Variants in LINGO2 observed in about 807,000 individuals in gnomAD.
The protein encoded by LINGO2 is leucine-rich repeat and immunoglobulin-like domain-containing nogo receptor-interacting protein 2.
A neutral mutation model predicts 30.6 loss-of-function variants in LINGO2; 14 were observed. The observed-to-expected ratio is 0.46, with a 90% CI of 0.30 to 0.72. LINGO2 has a LOEUF of 0.72. LINGO2 is among the 30% of genes least tolerant of loss of function. The pLI, the probability that LINGO2 is intolerant of heterozygous loss-of-function variation, is 0.07. For synonymous variants in LINGO2, 317 were observed against 288.5 expected (o/e 1.10, Z -1.00); for missense variants, 729 against 751.7 (o/e 0.97, Z 0.35).
the LINGO2 span, among the ~76,000 whole-genome samples, chr9:29,041,734 C>G: frequency 2.0e-5 from 3 of 151,860 alleles, no homozygotes; most frequent in African/African-American, 7.2e-5. Context: ...TCTTCATAAT[C>G]CAGGGATAAA....
intron 4 of LINGO2, chr9:28,012,492 C>A (rs956022722): frequency 2.6e-5 from 4 of 151,960 alleles, no homozygotes; most frequent in African/African-American, 9.7e-5. Flanking sequence ...ACTGTCTCTG[C>A]TGCCAAGGTC....
chr9:28,829,543 C>T, the LINGO2 span, among the ~76,000 whole-genome samples: 1 of 152,202 alleles, frequency 6.6e-6, no homozygotes, highest in African/African-American at 2.4e-5. Flanking sequence ...CCTGCCAGTG[C>T]ACAGTGTTTG....
intron 4 of LINGO2, among the ~76,000 whole-genome samples, chr9:28,098,478 C>T (rs1388446332): frequency 3.3e-5 from 5 of 152,164 alleles, no homozygotes; most frequent in Admixed American, 3.3e-4. Context: ...ATTTGGCTTG[C>T]TGTCTGCTTA....
the LINGO2 span, among the ~76,000 whole-genome samples, chr9:28,706,464 A>G: frequency 1.3e-5 from 2 of 152,174 alleles, no homozygotes; most frequent in Non-Finnish European, 2.9e-5. Flanking sequence ...TTAGTCTATT[A>G]AAGATTAGTT....
At chr9:28,984,638 C>T in the LINGO2 span, among the ~76,000 whole-genome samples, 1 of 151,862 alleles carries the variant, frequency 6.6e-6, no homozygotes, top group African/African-American at 2.4e-5. Context: ...TAGAAAAGAT[C>T]ACCTAAAATT....
At chr9:28,367,684 C>T (rs937874808) in intron 3 of LINGO2, among the ~76,000 whole-genome samples, 1 of 151,814 alleles carries the variant, frequency 6.6e-6, no homozygotes, top group Non-Finnish European at 1.5e-5. Context: ...CTGTAGTGTA[C>T]TCTTCTGTCT....
chr9:28,108,481 A>G (rs1281690834), intron 4 of LINGO2, among the ~76,000 whole-genome samples: 1 of 152,100 alleles, frequency 6.6e-6, no homozygotes, highest in Admixed American at 6.6e-5. Flanking sequence ...TACTCACTCC[A>G]TGGCACCTTC....
At chr9:28,305,537 A>AT (rs1824313109) in intron 3 of LINGO2, among the ~76,000 whole-genome samples, 1 of 152,086 alleles carries the variant, frequency 6.6e-6, no homozygotes, top group South Asian at 2.1e-4. Flanking sequence ...GAAAAATTAC[A>AT]TACAAAAACC....
chr9:28,472,320 GT>G (rs199544882), intron 2 of LINGO2, among the ~76,000 whole-genome samples: 23,292 of 145,570 alleles, frequency 0.16, 1,978 homozygotes, highest in East Asian at 0.37. Flanking sequence ...TTGACTTCAA[GT>G]TTTTTTTTTT....
chr9:28,598,129 G>A (rs7861179), intron 1 of LINGO2, among the ~76,000 whole-genome samples: 7,990 of 152,098 alleles, frequency 0.053, 712 homozygotes, highest in African/African-American at 0.18. Context: ...AGACAGCTAT[G>A]ATAACTAATA....
the LINGO2 span, among the ~76,000 whole-genome samples, chr9:29,125,298 T>C: frequency 1.3e-5 from 2 of 152,066 alleles, no homozygotes; most frequent in Middle Eastern, 3.4e-3. Context: ...TTAGGACAAA[T>C]ACCTAATGCA....
intron 2 of LINGO2, among the ~76,000 whole-genome samples, chr9:28,376,388 G>A (rs1057464321): frequency 1.3e-5 from 2 of 152,120 alleles, no homozygotes; most frequent in Non-Finnish European, 2.9e-5. Flanking sequence ...CAACCTATTC[G>A]GATTCTGGAG....
chr9:28,003,342 T>TATATATAGATAG (rs763522694), intron 5 of LINGO2, among the ~76,000 whole-genome samples: 2,593 of 141,712 alleles, frequency 0.018, 39 homozygotes, highest in Non-Finnish European at 0.029. Flanking sequence ...TATATAGATA[T>TATATATAGATAG]ATAGATAGAT....
chr9:28,520,527 T>C (rs550513871), intron 1 of LINGO2, among the ~76,000 whole-genome samples: 1 of 152,278 alleles, frequency 6.6e-6, no homozygotes, highest in African/African-American at 2.4e-5. Flanking sequence ...CATTACTTGA[T>C]ATTTGAAGAT....
chr9:28,673,338 T>G (rs2136051959), upstream of LINGO2, among the ~76,000 whole-genome samples: 1 of 152,122 alleles, frequency 6.6e-6, no homozygotes, highest in South Asian at 2.1e-4. Context: ...CCAAAATGAT[T>G]TAGAGAAACA....
intron 1 of LINGO2, among the ~76,000 whole-genome samples, chr9:28,544,115 A>G (rs930743460): frequency 1.3e-5 from 2 of 152,020 alleles, no homozygotes; most frequent in African/African-American, 2.4e-5. Flanking sequence ...AGGCACAAGT[A>G]TCATTTGAAC....
chr9:28,798,808 T>C, the LINGO2 span, among the ~76,000 whole-genome samples: 1 of 152,022 alleles, frequency 6.6e-6, no homozygotes, highest in Non-Finnish European at 1.5e-5. Flanking sequence ...ATGGCACATA[T>C]AAGAGAAGTT....
the LINGO2 span, among the ~76,000 whole-genome samples, chr9:29,124,398 C>T: frequency 1.3e-5 from 2 of 152,042 alleles, no homozygotes; most frequent in Non-Finnish European, 2.9e-5. Flanking sequence ...CAACAAAAGC[C>T]AAAACTGTCA....
the LINGO2 span, among the ~76,000 whole-genome samples, chr9:28,936,693 T>C: frequency 6.6e-6 from 1 of 152,230 alleles, no homozygotes; most frequent in Non-Finnish European, 1.5e-5. Context: ...AATGAAATAA[T>C]GTACATATAG....
Sources: gnomAD v4.1 joint callset for allele counts (sites outside exome capture counted in the v4.1 genomes callset) on GRCh38, gnomAD v4.1.1 for gene constraint, MANE v1.5 for transcripts, NCBI Gene and HGNC (gene_info 2026-07-23, HGNC 2026-07-21) for gene names.